The following CNDP1 variants were observed in gnomAD, a reference collection of about 807,000 sequenced individuals.
The protein encoded by CNDP1 is beta-Ala-His dipeptidase.
In CNDP1, 44 loss-of-function variants were observed where a neutral mutation model predicts 58.1. The ratio of observed to expected loss-of-function variants is 0.76; its 90% CI spans 0.60 to 0.97. CNDP1 has a LOEUF of 0.97. Among genes scored for constraint, CNDP1 ranks in the 50% least tolerant of loss-of-function variants. CNDP1 has a pLI of 0.00. For synonymous variants in CNDP1, 254 were observed against 252.6 expected, an observed-to-expected ratio of 1.01 and a Z score of -0.05; for missense variants, 616 against 655.1, an observed-to-expected ratio of 0.94 and a Z score of 0.65.
At chr18:74,534,935 G>A (rs1448826655) in intron 1 of CNDP1, among the ~76,000 whole-genome samples, 1 of 152,182 alleles carries the variant, frequency 6.6e-6, no homozygotes, top group African/African-American at 2.4e-5. Flanking sequence ...TTATTGTCAA[G>A]TAGTTCATAT....
intron 7 of CNDP1, among the ~76,000 whole-genome samples, chr18:74,575,331 C>T (rs1282460524): frequency 3.3e-5 from 5 of 152,298 alleles, no homozygotes; most frequent in Admixed American, 2.6e-4. Context: ...TTAGAAGGCA[C>T]GCACTCTGCA....
At chr18:74,540,466 C>T (rs1030393396) in intron 1 of CNDP1, among the ~76,000 whole-genome samples, 4 of 152,166 alleles carry the variant, frequency 2.6e-5, no homozygotes, top group African/African-American at 9.7e-5. Flanking sequence ...GAACTCTGCC[C>T]TGAATTTCTG....
At chr18:74,551,271 T>G (rs1451787147) in intron 1 of CNDP1, among the ~76,000 whole-genome samples, 1 of 151,866 alleles carries the variant, frequency 6.6e-6, no homozygotes. Context: ...CCTATTTTTT[T>G]TTAATAAATT....
Position 74,539,438 on chromosome 18 carries a change from A to G in CNDP1, c.24+4747A>G, listed in dbSNP as rs185063489. Among the ~76,000 whole-genome samples, 542 of 152,272 alleles carry G rather than the reference A, an allele frequency of 3.6e-3. 4 individuals carry two copies. The highest frequency in any genetic ancestry group is 0.012 in the African/African-American group (495 of 41,542). On this transcript the variant is annotated intron_variant, in intron 1 of 11. Transcript: ENST00000358821. The stretch of plus-strand genomic sequence containing the variant: ...TTTCCCAGCTCCCGGAGGCTTCCTC[A>G]TCTCTCATCCCCAGTGCCAGCAAAT...
chr18:74,563,557 G>T (rs73478621), intron 5 of CNDP1, among the ~76,000 whole-genome samples: 18,764 of 152,210 alleles, frequency 0.12, 2,073 homozygotes, highest in African/African-American at 0.3. Flanking sequence ...AGCCTGACTT[G>T]CCTCATCTGT....
At chr18:74,542,591 T>C (rs1405665235) in intron 1 of CNDP1, among the ~76,000 whole-genome samples, 1 of 152,198 alleles carries the variant, frequency 6.6e-6, no homozygotes, top group African/African-American at 2.4e-5. Context: ...CAGGATTTTG[T>C]TTGTTTTTTT....
chr18:74,543,634 C>G (rs1241982207), intron 1 of CNDP1, among the ~76,000 whole-genome samples: 2 of 151,800 alleles, frequency 1.3e-5, no homozygotes, highest in Non-Finnish European at 2.9e-5. Context: ...AGACTGGGCA[C>G]AGTCAAAGTG....
intron 1 of CNDP1, among the ~76,000 whole-genome samples, chr18:74,539,676 A>G (rs1349202110): frequency 2.0e-5 from 3 of 152,244 alleles, no homozygotes; most frequent in African/African-American, 7.2e-5. Context: ...CGCGGTGGCC[A>G]TGAGCTCAGG....
chr18:74,578,439 C>G, intron 9 of CNDP1, 112 bp downstream of exon 9: 1 of 1,097,168 alleles, frequency 9.1e-7, no homozygotes, highest in South Asian at 1.5e-5. Context: ...TCATTTTTTT[C>G]CAACACAAGA....
In CNDP1 at chr18:74,561,004, T is replaced by G. The variant is rs755909725; in HGVS notation, c.452T>G (p.Leu151Arg). ...GDGWLTDPYV[L>R]TEVDGKLYGR... is the part of the protein sequence containing the mutation. ...GGGTGGCTCACGGACCCCTATGTGC[T>G]GACGGAGGTAGACGGTCAGTGAGGC... Residue 151 changes from leucine to arginine, a missense_variant, in exon 4 of 12, where the codon CTG becomes CGG. By Grantham distance (102) the Leu-to-Arg change is moderately radical. Transcript: ENST00000358821. 1 of 1,612,808 alleles carries G rather than the reference T, an allele frequency of 6.2e-7. No individual in the cohort carries two copies. Among genetic ancestry groups the G allele is most frequent in the Non-Finnish European group, 8.5e-7 (1 of 1,178,956 alleles).
At position 74,546,388 on chromosome 18, in the gene CNDP1, G is replaced by A. The variant is rs191321998; in HGVS notation, c.25-9950G>A. 1.9e-4 allele frequency among the ~76,000 whole-genome samples: 29 copies of A among 152,312 alleles called. No individual in the cohort carries two copies. The East Asian group carries it at 4.4e-3, about 23-fold the overall frequency. ...ACGAGGACCCCAGACACAGGTGGGAGCACCGAGGGCCCACCCTAGCGGCTT... is the reference window on the plus strand; with the variant it reads ...ACGAGGACCCCAGACACAGGTGGGAACACCGAGGGCCCACCCTAGCGGCTT... On this transcript the variant is annotated intron_variant, in intron 1 of 11. Coordinates refer to ENST00000358821, the MANE Select transcript of CNDP1 (RefSeq NM_032649.6).
At chr18:74,556,247 G>A in intron 1 of CNDP1, 91 bp from the exon 2 acceptor site, 1 of 1,421,914 alleles carries the variant, frequency 7.0e-7, no homozygotes, top group Non-Finnish European at 9.6e-7. Context: ...AGCTGTGTGA[G>A]GTAACAGACC....
intron 1 of CNDP1, among the ~76,000 whole-genome samples, chr18:74,544,410 A>G (rs922899439): frequency 6.6e-6 from 1 of 152,180 alleles, no homozygotes; most frequent in African/African-American, 2.4e-5. Context: ...TAAACAAATA[A>G]TAGAATGTTA....
Position 74,577,064 on chromosome 18 carries a change from G to A in CNDP1, c.1002+35G>A, listed in dbSNP as rs1485487664. 4 of 1,577,516 alleles carry A rather than the reference G, an allele frequency of 2.5e-6. No individual in the cohort carries two copies. In the South Asian group the frequency reaches 3.6e-5, roughly 14 times the overall value. ...CAGACTGATGGATAAGCTGGAAGAG[G>A]CATGAGGCTAGTATATCATATTTGC... On this transcript the variant is annotated intron_variant, in intron 8 of 11. Transcript: ENST00000358821.
chr18:74,549,976 T>G (rs1980860631), intron 1 of CNDP1, among the ~76,000 whole-genome samples: 1 of 152,218 alleles, frequency 6.6e-6, no homozygotes, highest in African/African-American at 2.4e-5. Context: ...TGCCAGCCTC[T>G]ACCTAGATTT....
chr18:74,561,984 G>T, intron 4 of CNDP1, 63 bp from the exon 5 acceptor site: 1 of 1,414,712 alleles, frequency 7.1e-7, no homozygotes. Flanking sequence ...AACGACATTG[G>T]TTTTTAACTC....
At chr18:74,576,706 T>A in intron 7 of CNDP1, 163 bp from the exon 8 acceptor site, 1 of 513,344 alleles carries the variant, frequency 1.9e-6, no homozygotes, top group Non-Finnish European at 3.4e-6. Context: ...TCTCTGACAG[T>A]CACTTCTTGG....
At chr18:74,549,690 G>A (rs1980850695) in intron 1 of CNDP1, among the ~76,000 whole-genome samples, 2 of 152,064 alleles carry the variant, frequency 1.3e-5, no homozygotes, top group South Asian at 2.1e-4. Flanking sequence ...AGTGTTAAAA[G>A]CCAAAAAAAA....
intron 1 of CNDP1, among the ~76,000 whole-genome samples, chr18:74,539,579 AGTGTTGTTG>A (rs1980566155): frequency 6.6e-6 from 1 of 152,166 alleles, no homozygotes; most frequent in Non-Finnish European, 1.5e-5. Context: ...ACTCCTTGTT[AGTGTTGTTG>A]GTGCACATGG....
Sources: allele counts gnomAD v4.1 joint callset (sites outside exome capture counted in the v4.1 genomes callset), GRCh38; gene constraint gnomAD v4.1.1; transcripts MANE v1.5; gene names NCBI Gene and HGNC (gene_info 2026-07-23, HGNC 2026-07-21).